Variants in GTF2H2C observed in about 807,000 individuals in gnomAD.
GTF2H2C encodes GTF2H2 family member C.
In GTF2H2C, 5 loss-of-function variants were observed where a neutral mutation model predicts 24.8. The ratio of observed to expected loss-of-function variants is 0.20; its 90% CI spans 0.11 to 0.42. The LOEUF (loss-of-function observed/expected upper bound fraction) is 0.42, where lower values mean the gene tolerates loss of function less well. Among genes scored for constraint, GTF2H2C ranks in the 20% least tolerant of loss-of-function variants. The pLI is 1.00. For synonymous variants in GTF2H2C, 14 were observed against 52.6 expected, an observed-to-expected ratio of 0.27 and a Z score of 3.18; for missense variants, 45 against 169.8, an observed-to-expected ratio of 0.27 and a Z score of 4.08.
rs67773295 is a variant in GTF2H2C at position 69,594,436 on chromosome 5, T to TACACACACACACACACACAC, written c.*2261_*2280dup. 7 of 145,392 alleles carry TACACACACACACACACACAC rather than the reference T, an allele frequency of 4.8e-5. No homozygotes were observed. Among genetic ancestry groups the TACACACACACACACACACAC allele is most frequent in the Admixed American group, 1.4e-4 (2 of 14,066 alleles). The allele number at this position is 145,392 out of a possible 1,614,324, so 9.0% of individuals were successfully genotyped here. On this transcript the variant is annotated 3_prime_UTR_variant, in exon 17 of 17. Coordinates refer to ENST00000380729, the MANE Select transcript of GTF2H2C (RefSeq NM_001376000.2). ...GGAGCCCAGGAATATTCATTTTTAA[T>TACACACACACACACACACAC]ACACACACACACACACACACACACA...
intron 4 of GTF2H2C, 88 bp from the exon 5 acceptor site, chr5:69,566,501 A>G: frequency 6.8e-7 from 1 of 1,465,478 alleles, no homozygotes; most frequent in Non-Finnish European, 9.2e-7. Context: ...AAAGAAAAAC[A>G]AAGGAGGTCA....
rs753463731 is a variant in GTF2H2C, at chr5:69,579,856, T to C, written c.749T>C (p.Ile250Thr). ...AGCTCAAGTTCTGAATGCTCACTTA[T>C]TCGTATGGGTAAGTGTTTTTATGTT... The part of the protein sequence containing the change: ...PASSSSECSL[I>T]RMGFPQHTIA... Residue 250 changes from isoleucine (I) to threonine (T), a missense_variant, in exon 12 of 17, where the codon ATT (isoleucine) becomes ACT (threonine). Ile to Thr is a moderately conservative substitution (Grantham distance 89). Transcript: ENST00000380729. 1.9e-6 allele frequency: 3 copies of C among 1,606,056 alleles called. No homozygotes were observed. The highest frequency in any genetic ancestry group is 1.4e-5 in the African/African-American group (1 of 73,984).
intron 9 of GTF2H2C, among the ~76,000 whole-genome samples, chr5:69,577,426 CTTT>C (rs1235800434): frequency 7.1e-6 from 1 of 140,918 alleles, no homozygotes; most frequent in Non-Finnish European, 1.5e-5. Flanking sequence ...TTTTCTTTTT[CTTT>C]CTTTTTTTTT....
intron 2 of GTF2H2C, among the ~76,000 whole-genome samples, chr5:69,563,365 C>T (rs905819671): frequency 6.6e-5 from 10 of 151,374 alleles, no homozygotes; most frequent in Admixed American, 2.6e-4. Context: ...CAGGCACCTG[C>T]CACCATGCCC....
At chr5:69,573,049 T>C (rs1771147526) in intron 9 of GTF2H2C, among the ~76,000 whole-genome samples, 1 of 140,906 alleles carries the variant, frequency 7.1e-6, no homozygotes, top group Admixed American at 7.3e-5. Context: ...AAGCTTTATA[T>C]ACATATTATA....
intron 2 of GTF2H2C, among the ~76,000 whole-genome samples, chr5:69,563,457 G>A (rs1309513481): frequency 5.3e-5 from 8 of 151,916 alleles, no homozygotes; most frequent in African/African-American, 9.7e-5. Flanking sequence ...CAGGTGATCC[G>A]CACCTTGTCC....
chr5:69,561,256 A>G (rs1003874984), intron 1 of GTF2H2C, among the ~76,000 whole-genome samples: 26 of 151,414 alleles, frequency 1.7e-4, no homozygotes, highest in African/African-American at 5.8e-4. Flanking sequence ...GCTCTAATTA[A>G]GAAGTCCTTT....
At chr5:69,568,382 A>AGAATATATGTATCTTAGGAT (rs1770877512) in intron 8 of GTF2H2C, 175 bp downstream of exon 8, 1 of 554,594 alleles carries the variant, frequency 1.8e-6, no homozygotes, top group African/African-American at 2.1e-5. Flanking sequence ...ATACAAGGTT[A>AGAATATATGTATCTTAGGAT]ACTATTCTAA....
chr5:69,589,823 T>C lies in GTF2H2C; in HGVS notation c.1029-505T>C, dbSNP rs1771891766. On this transcript the variant is annotated intron_variant, in intron 15 of 16. Transcript: ENST00000380729. ...TGAAAATAAAAACTAAATTTTGGGCTGTCAGATGACCTTGTATATACTGTG... is the reference window on the plus strand; with the variant it reads ...TGAAAATAAAAACTAAATTTTGGGCCGTCAGATGACCTTGTATATACTGTG... Among the ~76,000 whole-genome samples the C allele has an allele frequency of 2.4e-5, 3 of 123,898 alleles. No individual in the cohort carries two copies. In the South Asian group the frequency reaches 9.3e-4, roughly 39 times the overall value. The allele number at this position is 123,898 out of a possible 152,430, so 81.3% of individuals were successfully genotyped here. A position where few individuals can be genotyped will look rare whatever the true frequency, so the allele number is the denominator to read the frequency against.
chr5:69,573,432 C>T (rs1050656062), intron 9 of GTF2H2C, among the ~76,000 whole-genome samples: 5 of 74,382 alleles, frequency 6.7e-5, no homozygotes, highest in African/African-American at 2.6e-4. Flanking sequence ...GATCCGCCCA[C>T]CTCAGCCTCC....
chr5:69,566,292 A>C lies in GTF2H2C; in HGVS notation c.134+84A>C, dbSNP rs929011734. 19 of 1,502,536 alleles carry C rather than the reference A, an allele frequency of 1.3e-5. No individual in the cohort carries two copies. The African/African-American group carries it at 1.9e-4, about 15-fold the overall frequency. 93.1% of individuals were successfully genotyped at this position (1,502,536 alleles called of 1,614,324 possible). On this transcript the variant is annotated intron_variant, in intron 4 of 16. Transcript: ENST00000380729. The stretch of plus-strand genomic sequence containing the variant: ...ATCTATAAATACTCCTCAGTACTTC[A>C]TTTTAGCTGTGTTTCAGGGAAACTG...
intron 8 of GTF2H2C, chr5:69,568,787 A>G: frequency 1.3e-5 from 1 of 78,242 alleles, no homozygotes; most frequent in Non-Finnish European, 2.7e-5. Flanking sequence ...GAGCCACCGC[A>G]TCCGGCCTTA....
At chr5:69,560,813 AGCGGC>A (rs1177953688) in intron 1 of GTF2H2C, among the ~76,000 whole-genome samples, 2 of 151,994 alleles carry the variant, frequency 1.3e-5, no homozygotes, top group Non-Finnish European at 2.9e-5. Context: ...GCTGGAGTGC[AGCGGC>A]GCGATCTCGG....
chr5:69,573,208 C>CA (rs1378935124), intron 9 of GTF2H2C, among the ~76,000 whole-genome samples: 5 of 139,574 alleles, frequency 3.6e-5, no homozygotes, highest in Non-Finnish European at 6.2e-5. Flanking sequence ...TTTTTCGAGA[C>CA]AGAGTCTTGC....
intron 2 of GTF2H2C, among the ~76,000 whole-genome samples, chr5:69,563,182 A>G (rs1448539166): frequency 6.7e-6 from 1 of 148,338 alleles, no homozygotes; most frequent in Non-Finnish European, 1.5e-5. Context: ...CTAGAATTAC[A>G]GATGTCAGCC....
In GTF2H2C at chr5:69,561,563, AG is replaced by A. The variant is rs200495100; in HGVS notation, c.-131-1109del. On this transcript the variant is annotated intron_variant, in intron 1 of 16. Transcript: ENST00000380729. ...GCAAGACTCTTGTCTCAGAAAAAAAAGAAAAAAAAGAATTCCTTTGATATGG... is the reference window on the plus strand; with the variant it reads ...GCAAGACTCTTGTCTCAGAAAAAAAAAAAAAAAAGAATTCCTTTGATATGG... 6.3e-3 allele frequency among the ~76,000 whole-genome samples: 225 copies of A among 35,842 alleles called. 14 individuals are homozygous for A. The highest frequency in any genetic ancestry group is 0.016 in the South Asian group (8 of 488). The allele number at this position is 35,842 out of a possible 152,430, so 23.5% of individuals were successfully genotyped here. A position where few individuals can be genotyped will look rare whatever the true frequency, so the allele number is the denominator to read the frequency against.
intron 15 of GTF2H2C, among the ~76,000 whole-genome samples, chr5:69,589,466 C>T (rs1422862928): frequency 2.8e-5 from 1 of 36,318 alleles, no homozygotes; most frequent in Non-Finnish European, 6.6e-5. Context: ...ATCAAACAAA[C>T]GTTAGAAAGT....
At chr5:69,571,637 AG>A (rs1771051678) in intron 8 of GTF2H2C, among the ~76,000 whole-genome samples, 1 of 35,640 alleles carries the variant, frequency 2.8e-5, no homozygotes, top group South Asian at 1.7e-3. Flanking sequence ...ATAAAAATAT[AG>A]CCTTTTGTAT....
chr5:69,565,974 G>A, intron 3 of GTF2H2C, 157 bp from the exon 4 acceptor site: 1 of 618,900 alleles, frequency 1.6e-6, no homozygotes. Flanking sequence ...CCATTCACTA[G>A]TCTGTGGATA....
Sources: gnomAD v4.1 joint callset for allele counts (sites outside exome capture counted in the v4.1 genomes callset) on GRCh38, gnomAD v4.1.1 for gene constraint, MANE v1.5 for transcripts, NCBI Gene and HGNC (gene_info 2026-07-23, HGNC 2026-07-21) for gene names.